The following MSI2 variants were observed in gnomAD, a reference collection of about 807,000 sequenced individuals.
MSI2 encodes the protein musashi RNA binding protein 2.
A neutral mutation model predicts 45.6 loss-of-function variants in MSI2; 17 were observed. That is an observed-to-expected ratio of 0.37 (90% CI 0.26 to 0.56). The LOEUF (loss-of-function observed/expected upper bound fraction) is 0.56, where lower values mean the gene tolerates loss of function less well. MSI2 is among the 20% of genes least tolerant of loss of function. MSI2 has a pLI of 0.77. For synonymous variants in MSI2, 156 were observed against 158.2 expected (o/e 0.99, Z 0.11); for missense variants, 293 against 444.2 (o/e 0.66, Z 3.06).
intron 6 of MSI2, among the ~76,000 whole-genome samples, chr17:57,506,060 CCA>C: frequency 6.6e-6 from 1 of 152,302 alleles, no homozygotes; most frequent in East Asian, 1.9e-4. Flanking sequence ...CATCTTATCT[CCA>C]CACTTACCCA....
chr17:57,573,146 T>C (rs1458728281), intron 7 of MSI2, among the ~76,000 whole-genome samples: 1 of 152,240 alleles, frequency 6.6e-6, no homozygotes, highest in Non-Finnish European at 1.5e-5. Flanking sequence ...CTTGTCAGTG[T>C]CTGCCCTTAT....
At chr17:57,394,842 G>A (rs1215970404) in intron 5 of MSI2, among the ~76,000 whole-genome samples, 2 of 152,222 alleles carry the variant, frequency 1.3e-5, no homozygotes. Context: ...AAAAAGGTGA[G>A]GTCAAGGCAG....
chr17:57,636,803 T>G (rs1332761730), intron 10 of MSI2, among the ~76,000 whole-genome samples: 1 of 152,236 alleles, frequency 6.6e-6, no homozygotes, highest in East Asian at 1.9e-4. Context: ...GTGCTTCTGG[T>G]TGGCTTCCAG....
At chr17:57,482,641 A>G (rs2085670486) in intron 6 of MSI2, among the ~76,000 whole-genome samples, 1 of 152,176 alleles carries the variant, frequency 6.6e-6, no homozygotes, top group African/African-American at 2.4e-5. Context: ...CAGCATCTTC[A>G]TCTGAAGCAT....
chr17:57,676,795 G>C (rs2286360), intron 12 of MSI2, among the ~76,000 whole-genome samples, 192 bp from the exon 13 acceptor site: 1 of 152,200 alleles, frequency 6.6e-6, no homozygotes, highest in South Asian at 2.1e-4. Context: ...TGGTAGGGGC[G>C]GAGGGAGTGG....
chr17:57,675,554 T>G (rs1037557063), intron 12 of MSI2, among the ~76,000 whole-genome samples: 1 of 152,210 alleles, frequency 6.6e-6, no homozygotes, highest in Non-Finnish European at 1.5e-5. Flanking sequence ...CCCCGCTTTC[T>G]GGACACTGTC....
chr17:57,556,944 A>G (rs2087449643), intron 7 of MSI2, among the ~76,000 whole-genome samples: 1 of 151,744 alleles, frequency 6.6e-6, no homozygotes. Flanking sequence ...TGTCATGGCC[A>G]CCTTCTCAGT....
At chr17:57,625,882 A>T (rs1047637268) in intron 9 of MSI2, 4 of 152,288 alleles carry the variant, frequency 2.6e-5, no homozygotes, top group Admixed American at 2.0e-4. Flanking sequence ...CAACTCAGGA[A>T]TGACCTGGTC....
chr17:57,448,919 C>T (rs1319021314), intron 6 of MSI2: 3 of 152,116 alleles, frequency 2.0e-5, no homozygotes, highest in East Asian at 1.9e-4. Flanking sequence ...AGGATTGGAG[C>T]GAGGATCACA....
At chr17:57,698,597 G>C in the MSI2 span, among the ~76,000 whole-genome samples, 3 of 152,116 alleles carry the variant, frequency 2.0e-5, no homozygotes, top group Non-Finnish European at 4.4e-5. Flanking sequence ...TGCGCCTTCC[G>C]TGGCTGCTTG....
chr17:57,433,533 T>C (rs2084638082), intron 6 of MSI2, among the ~76,000 whole-genome samples: 1 of 152,192 alleles, frequency 6.6e-6, no homozygotes, highest in African/African-American at 2.4e-5. Flanking sequence ...CTTCTAGAAC[T>C]GCGAGACGTA....
intron 8 of MSI2, 96 bp from the exon 9 acceptor site, chr17:57,615,874 G>A (rs1907637706): frequency 1.1e-6 from 1 of 941,922 alleles, no homozygotes; most frequent in South Asian, 1.5e-5. Flanking sequence ...AAGGAGCAAG[G>A]CTAAAAATAA....
chr17:57,687,013 C>CCG (rs1555644137), downstream of MSI2, among the ~76,000 whole-genome samples: 31 of 147,616 alleles, frequency 2.1e-4, no homozygotes, highest in Non-Finnish European at 4.1e-4. Context: ...CAGCCCCCCC[C>CCG]CCAAAAAATT....
chr17:57,317,673 G>C (rs1363409690), intron 5 of MSI2, among the ~76,000 whole-genome samples: 2 of 151,936 alleles, frequency 1.3e-5, no homozygotes, highest in African/African-American at 4.8e-5. Context: ...TTGACACACG[G>C]AATAGATAGG....
At chr17:57,492,147 T>G (rs1487370831) in intron 6 of MSI2, among the ~76,000 whole-genome samples, 6 of 152,244 alleles carry the variant, frequency 3.9e-5, no homozygotes, top group Non-Finnish European at 7.3e-5. Flanking sequence ...CATTTGTAAT[T>G]CTTGACAGTG....
chr17:57,259,026 C>T (rs762670317), intron 4 of MSI2, among the ~76,000 whole-genome samples: 2 of 151,808 alleles, frequency 1.3e-5, no homozygotes, highest in Non-Finnish European at 2.9e-5. Context: ...TTTTAAAAAT[C>T]CAGAGTAGAA....
chr17:57,478,663 GCCCTGGGAGAATCA>G (rs2085588678), intron 6 of MSI2, among the ~76,000 whole-genome samples: 1 of 152,192 alleles, frequency 6.6e-6, no homozygotes, highest in Admixed American at 6.5e-5. Context: ...GTCTCAGACT[GCCCTGGGAGAATCA>G]CACAGTGGTT....
chr17:57,503,578 G>T (rs1268882584), intron 6 of MSI2, among the ~76,000 whole-genome samples: 1 of 152,178 alleles, frequency 6.6e-6, no homozygotes, highest in Non-Finnish European at 1.5e-5. Flanking sequence ...AAGACTCCAG[G>T]TCTTTAAAGT....
intron 5 of MSI2, among the ~76,000 whole-genome samples, chr17:57,362,881 A>T (rs569030050): frequency 6.6e-6 from 1 of 152,362 alleles, no homozygotes; most frequent in East Asian, 1.9e-4. Context: ...TTTAAAAATG[A>T]AGGCTGTTGG....
Sources: gnomAD v4.1 joint callset for allele counts (sites outside exome capture counted in the v4.1 genomes callset) on GRCh38, gnomAD v4.1.1 for gene constraint, MANE v1.5 for transcripts, NCBI Gene and HGNC (gene_info 2026-07-23, HGNC 2026-07-21) for gene names.